Variants in DLGAP2 observed in about 807,000 individuals in gnomAD.
DLGAP2 encodes the protein disks large-associated protein 2.
Under a neutral mutation model 100.3 loss-of-function variants are expected in DLGAP2, and 26 were observed. The observed-to-expected ratio is 0.26, with a 90% CI of 0.19 to 0.36. The LOEUF is 0.36. DLGAP2 is among the 10% of genes least tolerant of loss of function. The pLI, the probability that DLGAP2 is intolerant of heterozygous loss-of-function variation, is 1.00. For synonymous variants in DLGAP2, 886 were observed against 630.1 expected, an observed-to-expected ratio of 1.41 and a Z score of -6.08; for missense variants, 1,858 against 1,453.2, an observed-to-expected ratio of 1.28 and a Z score of -4.53.
Position 1,548,906 on chromosome 8 carries a change from G to T in DLGAP2, c.453G>T (p.Val151=), listed in dbSNP as rs769632607. ...CGGAGTGCGTGATGATGCCGGTGGT[G>T]CTGGGCGACCACGTGTCCAGCAGCA... ...VHSECVMMPV[V]LGDHVSSSTF... The change falls in exon 5 of 15, where the codon GTG becomes GTT. Residue 151 remains valine (V), a synonymous_variant. Coordinates refer to ENST00000637795, the MANE Select transcript of DLGAP2 (RefSeq NM_001346810.2). 1.3e-6 allele frequency: 2 copies of T among 1,597,722 alleles called. No homozygotes were observed. The highest frequency in any genetic ancestry group is 1.1e-5 in the South Asian group (1 of 90,848).
chr8:1,378,578 G>A (rs1226588608), intron 3 of DLGAP2, among the ~76,000 whole-genome samples: 2 of 133,518 alleles, frequency 1.5e-5, no homozygotes, highest in African/African-American at 5.6e-5. Flanking sequence ...CGCACACCTG[G>A]CCTCACCTGT....
intron 2 of DLGAP2, among the ~76,000 whole-genome samples, chr8:975,256 T>C (rs902990765): frequency 3.3e-5 from 5 of 152,102 alleles, no homozygotes; most frequent in Non-Finnish European, 7.4e-5. Context: ...ACTAATAACT[T>C]TCCAAAACAG....
chr8:903,098 C>T (rs1294865659), intron 1 of DLGAP2, among the ~76,000 whole-genome samples: 2 of 151,756 alleles, frequency 1.3e-5, no homozygotes, highest in Non-Finnish European at 2.9e-5. Flanking sequence ...GCAAGGGATC[C>T]CCAAGCGGCC....
intron 13 of DLGAP2, among the ~76,000 whole-genome samples, chr8:1,695,044 G>A (rs899308114): frequency 2.0e-5 from 3 of 151,690 alleles, no homozygotes; most frequent in African/African-American, 4.9e-5. Context: ...GAGGAGAGGA[G>A]GGGGGCACGG....
chr8:1,164,020 C>G (rs897044345), intron 2 of DLGAP2, among the ~76,000 whole-genome samples: 2 of 152,220 alleles, frequency 1.3e-5, no homozygotes, highest in African/African-American at 4.8e-5. Flanking sequence ...AGACGAGACG[C>G]TTTCCTTCAT....
intron 2 of DLGAP2, chr8:1,019,515 C>G (rs1198859700): frequency 2.0e-5 from 3 of 151,752 alleles, no homozygotes; most frequent in Admixed American, 2.0e-4. Context: ...ACATTTCCCT[C>G]TAAAGAGAGG....
At chr8:965,053 GCTC>G (rs368775396) in intron 2 of DLGAP2, among the ~76,000 whole-genome samples, 58 of 147,236 alleles carry the variant, frequency 3.9e-4, no homozygotes, top group African/African-American at 1.3e-3. Context: ...ACCACACAGA[GCTC>G]CTGAGTCTGA....
At chr8:1,275,154 C>A (rs1489518443) in intron 3 of DLGAP2, among the ~76,000 whole-genome samples, 1 of 152,164 alleles carries the variant, frequency 6.6e-6, no homozygotes, top group Non-Finnish European at 1.5e-5. Context: ...CCCTGAGTTA[C>A]ACAGAGCAAC....
chr8:1,311,784 C>G (rs986229095), intron 3 of DLGAP2, among the ~76,000 whole-genome samples: 1 of 151,912 alleles, frequency 6.6e-6, no homozygotes, highest in African/African-American at 2.4e-5. Flanking sequence ...AAAGCCACAG[C>G]CAAGACATCC....
At position 1,204,562 on chromosome 8, in the gene DLGAP2, A is replaced by G. The variant is rs139611162; in HGVS notation, c.74-54289A>G. On this transcript the variant is annotated intron_variant, in intron 2 of 14. Coordinates refer to ENST00000637795, the MANE Select transcript of DLGAP2 (RefSeq NM_001346810.2). ...CACTTGTGTGTGTGTGTATATGTCTATATACACCTATGATGTGATAGTTTG... is the reference window on the plus strand; with the variant it reads ...CACTTGTGTGTGTGTGTATATGTCTGTATACACCTATGATGTGATAGTTTG... 2.9e-3 allele frequency among the ~76,000 whole-genome samples: 394 copies of G among 133,794 alleles called. 2 individuals carry two copies. The highest frequency in any genetic ancestry group is 0.012 in the African/African-American group (357 of 30,670). The allele number at this position is 133,794 out of a possible 152,430, so 87.8% of individuals were successfully genotyped here. A position where few individuals can be genotyped will look rare whatever the true frequency, so the allele number is the denominator to read the frequency against.
At chr8:1,584,365 G>A (rs955160860) in intron 6 of DLGAP2, among the ~76,000 whole-genome samples, 10 of 152,146 alleles carry the variant, frequency 6.6e-5, no homozygotes, top group African/African-American at 2.4e-4. Context: ...TAGTCAAAAC[G>A]GGAGCAGACG....
chr8:1,411,831 C>G lies in DLGAP2; in HGVS notation c.107-89535C>G, dbSNP rs113612201. On this transcript the variant is annotated intron_variant, in intron 3 of 14. Coordinates refer to ENST00000637795, the MANE Select transcript of DLGAP2 (RefSeq NM_001346810.2). The stretch of plus-strand genomic sequence containing the variant: ...TCACTAAGGGTGAATTTTCCCTAAT[C>G]AGCTCTGCCCTCATGAGCCGTCGTG... Among the ~76,000 whole-genome samples the G allele has an allele frequency of 3.9e-3, 601 of 152,332 alleles. 2 individuals are homozygous for G. The highest frequency in any genetic ancestry group is 0.014 in the African/African-American group (577 of 41,580).
At chr8:983,026 G>T (rs1563127578) in intron 2 of DLGAP2, among the ~76,000 whole-genome samples, 1 of 151,900 alleles carries the variant, frequency 6.6e-6, no homozygotes, top group South Asian at 2.1e-4. Context: ...ATAGGGAGCT[G>T]TTTGAAAAAT....
chr8:890,306 C>A (rs1397903697), intron 1 of DLGAP2, among the ~76,000 whole-genome samples: 1 of 152,156 alleles, frequency 6.6e-6, no homozygotes, highest in South Asian at 2.1e-4. Flanking sequence ...TGGTTTGCTG[C>A]AGGACTTTTC....
chr8:1,480,079 A>C (rs936756181), intron 3 of DLGAP2, among the ~76,000 whole-genome samples: 3 of 152,196 alleles, frequency 2.0e-5, no homozygotes, highest in Non-Finnish European at 4.4e-5. Context: ...AAGGGTTGGC[A>C]GTGAGTCCCA....
At position 1,089,050 on chromosome 8, in the gene DLGAP2, T is replaced by C. The variant is rs111935080; in HGVS notation, c.74-169801T>C. Reference sequence around the variant, plus strand: ...CTCATCCAGCAGGCTATGCCATTCTTGCTCCCCGGCCTCACTCTCTCCACC... The same window carrying C: ...CTCATCCAGCAGGCTATGCCATTCTCGCTCCCCGGCCTCACTCTCTCCACC... On this transcript the variant is annotated intron_variant, in intron 2 of 14. Coordinates refer to ENST00000637795, the MANE Select transcript of DLGAP2 (RefSeq NM_001346810.2). Among the ~76,000 whole-genome samples, 26 of 120,158 alleles carry C rather than the reference T, an allele frequency of 2.2e-4. 1 individual carries two copies. In the South Asian group the frequency reaches 2.6e-3, roughly 12 times the overall value. 78.8% of individuals were successfully genotyped at this position (120,158 alleles called of 152,430 possible).
intron 3 of DLGAP2, among the ~76,000 whole-genome samples, chr8:1,343,791 C>A (rs528066552): frequency 6.6e-6 from 1 of 152,108 alleles, no homozygotes; most frequent in Non-Finnish European, 1.5e-5. Flanking sequence ...GTGGGCTTCA[C>A]GCCTGCTGTG....
At chr8:878,039 T>A (rs1459874765) in intron 1 of DLGAP2, among the ~76,000 whole-genome samples, 7 of 152,204 alleles carry the variant, frequency 4.6e-5, no homozygotes, top group Admixed American at 4.6e-4. Flanking sequence ...CAATGGACCA[T>A]TTTCAGAGAC....
chr8:760,234 G>A (rs964591687), intron 1 of DLGAP2, among the ~76,000 whole-genome samples: 3 of 152,218 alleles, frequency 2.0e-5, no homozygotes, highest in African/African-American at 7.2e-5. Flanking sequence ...TCAGTGTGAC[G>A]CCTCCTGTCT....
Sources: gnomAD v4.1 joint callset for allele counts (sites outside exome capture counted in the v4.1 genomes callset) on GRCh38, gnomAD v4.1.1 for gene constraint, MANE v1.5 for transcripts, NCBI Gene and HGNC (gene_info 2026-07-23, HGNC 2026-07-21) for gene names.